ZFX: variants seen among roughly 807,000 people sequenced by gnomAD.
The protein encoded by ZFX is zinc finger protein X-linked, also known as zinc finger X-chromosomal protein.
For missense variants in ZFX, 362 were observed against 628.3 expected (o/e 0.58, Z 4.53); for synonymous variants, 196 against 226.8 (o/e 0.86, Z 1.22).
At chrX:24,178,092 C>T (rs1265029910) in intron 4 of ZFX, among the ~76,000 whole-genome samples, 11 of 107,031 alleles carry the variant, frequency 1.0e-4, no homozygotes, top group South Asian at 4.2e-4. Flanking sequence ...CCACCACACC[C>T]GGATAATTTT....
At chrX:24,164,010 G>A (rs1203002986) in intron 3 of ZFX, among the ~76,000 whole-genome samples, 1 of 93,573 alleles carries the variant, frequency 1.1e-5, no homozygotes, top group Non-Finnish European at 2.1e-5. Context: ...GTATATGTTT[G>A]TGCTTTCTCC....
At chrX:24,171,100 G>A (rs931109849) in intron 3 of ZFX, among the ~76,000 whole-genome samples, 5 of 111,124 alleles carry the variant, frequency 4.5e-5, no homozygotes, top group Non-Finnish European at 9.4e-5. Context: ...GACTATATAT[G>A]TAATTTAGTA....
chrX:24,207,860 G>GTA lies in ZFX; in HGVS notation c.940+6_940+7dup. On this transcript the variant is annotated splice_donor_region_variant and intron_variant, in intron 7 of 9. Coordinates refer to ENST00000304543, the MANE Select transcript of ZFX (RefSeq NM_003410.4). ...AGCCAGAAGATGAAGATTTAAGTAA[G>GTA]TAGGTGGCCTTTTTGTGGGAGAAAA... The GTA allele has an allele frequency of 8.3e-7, 1 of 1,207,575 alleles. No homozygotes were observed. The highest frequency in any genetic ancestry group is 1.7e-5 in the African/African-American group (1 of 57,687).
At chrX:24,201,523 G>C (rs1201217718) in intron 5 of ZFX, among the ~76,000 whole-genome samples, 3 of 112,333 alleles carry the variant, frequency 2.7e-5, no homozygotes, top group African/African-American at 6.5e-5. Flanking sequence ...GTACTTGTTA[G>C]AATCAGTTTT....
At chrX:24,179,119 C>T in intron 4 of ZFX, 64 bp from the exon 5 acceptor site, 1 of 975,453 alleles carries the variant, frequency 1.0e-6, no homozygotes. Context: ...AATTAAGTAA[C>T]ATTTACGTTA....
intron 5 of ZFX, among the ~76,000 whole-genome samples, chrX:24,206,957 G>T (rs946855423): frequency 9.0e-6 from 1 of 110,761 alleles, no homozygotes; most frequent in Non-Finnish European, 1.9e-5. Context: ...AACTTTTGCC[G>T]GGCGCAGTGG....
chrX:24,171,647 A>G (rs772211494), intron 3 of ZFX, among the ~76,000 whole-genome samples: 2 of 111,518 alleles, frequency 1.8e-5, no homozygotes, highest in Admixed American at 9.6e-5. Context: ...TAAAGGTGAA[A>G]ATTATTGGTT....
At chrX:24,170,314 G>A (rs1422839362) in intron 3 of ZFX, among the ~76,000 whole-genome samples, 1 of 107,678 alleles carries the variant, frequency 9.3e-6, no homozygotes, top group Non-Finnish European at 1.9e-5. Flanking sequence ...CTACCACCAC[G>A]CCTGGCTAAT....
chrX:24,197,406 A>C (rs901059985), intron 5 of ZFX, among the ~76,000 whole-genome samples: 3 of 112,388 alleles, frequency 2.7e-5, no homozygotes, highest in Non-Finnish European at 3.8e-5. Flanking sequence ...AAATATGATC[A>C]AGGTAAAAGC....
intron 4 of ZFX, among the ~76,000 whole-genome samples, chrX:24,174,872 C>T (rs965348237): frequency 2.7e-5 from 3 of 110,522 alleles, no homozygotes; most frequent in African/African-American, 6.6e-5. Context: ...CGCCATCAAG[C>T]CCAGCTAATT....
At chrX:24,150,909 C>T (rs1208403689) in intron 1 of ZFX, 2 of 112,078 alleles carry the variant, frequency 1.8e-5, no homozygotes, top group Non-Finnish European at 3.8e-5. Flanking sequence ...TTGAATCATT[C>T]GTACTCATTT....
chrX:24,159,707 C>A, intron 3 of ZFX, among the ~76,000 whole-genome samples: 1 of 111,569 alleles, frequency 9.0e-6, no homozygotes, highest in Non-Finnish European at 1.9e-5. Context: ...GTCTCGAACT[C>A]CTGACCTCAG....
At chrX:24,195,835 C>T (rs1233516404) in intron 5 of ZFX, among the ~76,000 whole-genome samples, 1 of 112,524 alleles carries the variant, frequency 8.9e-6, no homozygotes, top group Non-Finnish European at 1.9e-5. Flanking sequence ...GTTCTTTCTT[C>T]ACGTCCTGTT....
chrX:24,207,597 C>T (rs2873796), intron 6 of ZFX, 115 bp from the exon 7 acceptor site: 47 of 1,109,879 alleles, frequency 4.2e-5, no homozygotes, highest in African/African-American at 3.1e-4. Context: ...GTAAGAATTC[C>T]GGTGTAGTAA....
chrX:24,163,678 G>A (rs1196011626), intron 3 of ZFX, among the ~76,000 whole-genome samples: 1 of 106,114 alleles, frequency 9.4e-6, no homozygotes, highest in African/African-American at 3.4e-5. Flanking sequence ...ATGCCCGGCC[G>A]CCTAGCTAAT....
chrX:24,176,259 G>C (rs1021192513), intron 4 of ZFX, among the ~76,000 whole-genome samples: 2 of 108,184 alleles, frequency 1.8e-5, no homozygotes, highest in South Asian at 8.0e-4. Flanking sequence ...GGCTGGTCTC[G>C]AACTCCTGAC....
intron 5 of ZFX, 47 bp from the exon 6 acceptor site, chrX:24,207,279 T>G: frequency 8.8e-7 from 1 of 1,139,772 alleles, no homozygotes; most frequent in Admixed American, 2.4e-5. Context: ...AGTAACATTT[T>G]ATTTAAATAT....
chrX:24,204,518 T>C (rs539719804), intron 5 of ZFX, among the ~76,000 whole-genome samples: 2 of 112,433 alleles, frequency 1.8e-5, no homozygotes, highest in East Asian at 5.6e-4. Context: ...TTAAAAGTTA[T>C]AGTGGTCAGA....
intron 5 of ZFX, among the ~76,000 whole-genome samples, chrX:24,193,969 G>A (rs962738545): frequency 3.6e-5 from 4 of 110,766 alleles, no homozygotes; most frequent in African/African-American, 1.3e-4. Flanking sequence ...CTAACTCCCC[G>A]ATCCCCTCCT....
Sources: gnomAD v4.1 joint callset for allele counts (sites outside exome capture counted in the v4.1 genomes callset) on GRCh38, gnomAD v4.1.1 for gene constraint, MANE v1.5 for transcripts, NCBI Gene and HGNC (gene_info 2026-07-23, HGNC 2026-07-21) for gene names.